Variants in DISC1 observed in about 807,000 individuals in gnomAD.
DISC1 encodes the protein DISC1 scaffold protein, also known as disrupted in schizophrenia 1 protein.
Under a neutral mutation model 84.5 loss-of-function variants are expected in DISC1, and 57 were observed. The observed-to-expected ratio is 0.67, with a 90% CI of 0.55 to 0.84. DISC1 has a LOEUF of 0.84. Among genes scored for constraint, DISC1 ranks in the 40% least tolerant of loss-of-function variants. The pLI, the probability that DISC1 is intolerant of heterozygous loss-of-function variation, is 0.00. For synonymous variants in DISC1, 411 were observed against 415.2 expected, an observed-to-expected ratio of 0.99 and a Z score of 0.12; for missense variants, 1,000 against 1,057.8, an observed-to-expected ratio of 0.95 and a Z score of 0.76.
intron 6 of DISC1, among the ~76,000 whole-genome samples, chr1:231,773,576 G>A (rs2076721657): frequency 6.6e-6 from 1 of 152,084 alleles, no homozygotes; most frequent in African/African-American, 2.4e-5. Context: ...AGTAGAGACA[G>A]GGTTTCACCA....
rs973486462 is a variant in DISC1 at position 232,036,979 on chromosome 1, T to G, written c.*148T>G. The G allele has an allele frequency of 3.6e-6, 3 of 842,090 alleles. No homozygotes were observed. Among genetic ancestry groups the G allele is most frequent in the Non-Finnish European group, 5.0e-6 (3 of 596,218 alleles). 52.2% of individuals were successfully genotyped at this position (842,090 alleles called of 1,614,324 possible). A position where few individuals can be genotyped will look rare whatever the true frequency, so the allele number is the denominator to read the frequency against. On this transcript the variant is annotated 3_prime_UTR_variant, in exon 13 of 13. Coordinates refer to ENST00000439617, the MANE Select transcript of DISC1 (RefSeq NM_018662.3). ...TCAGTGGAAAGGTGGTTCATGTTCA[T>G]TCTCATCAGTGTGAAACTGAGGAGT...
chr1:231,930,010 C>T (rs1312867189), intron 9 of DISC1, among the ~76,000 whole-genome samples: 1 of 152,108 alleles, frequency 6.6e-6, no homozygotes, highest in African/African-American at 2.4e-5. Flanking sequence ...ACCCTGTTAG[C>T]CCTGGACATC....
chr1:231,705,507 G>A (rs1248056889), intron 3 of DISC1, among the ~76,000 whole-genome samples: 3 of 151,932 alleles, frequency 2.0e-5, no homozygotes, highest in African/African-American at 7.3e-5. Flanking sequence ...AAAGGGCACT[G>A]TTACCATGAG....
chr1:231,879,423 C>G (rs2086130886), intron 9 of DISC1, among the ~76,000 whole-genome samples: 1 of 151,926 alleles, frequency 6.6e-6, no homozygotes, highest in African/African-American at 2.4e-5. Flanking sequence ...CTCCCACCAG[C>G]AATGCATGAG....
chr1:231,906,005 C>T (rs1294626878), intron 9 of DISC1, among the ~76,000 whole-genome samples: 1 of 146,008 alleles, frequency 6.8e-6, no homozygotes, highest in Non-Finnish European at 1.5e-5. Flanking sequence ...AAAATGAATT[C>T]GCTGAGGTCA....
intron 3 of DISC1, among the ~76,000 whole-genome samples, chr1:231,726,518 T>C: frequency 6.6e-6 from 1 of 152,150 alleles, no homozygotes; most frequent in East Asian, 1.9e-4. Flanking sequence ...GGAAATTCAG[T>C]CTATCTCCCT....
chr1:232,017,458 T>C (rs1190711638), intron 11 of DISC1, among the ~76,000 whole-genome samples: 1 of 150,870 alleles, frequency 6.6e-6, no homozygotes, highest in Non-Finnish European at 1.5e-5. Flanking sequence ...GTTGGCTTGA[T>C]GGCCATAAGG....
chr1:231,937,559 A>G (rs571551217), intron 9 of DISC1, among the ~76,000 whole-genome samples: 1 of 152,294 alleles, frequency 6.6e-6, no homozygotes, highest in African/African-American at 2.4e-5. Context: ...CATCTATTTG[A>G]CTGACAAGGT....
chr1:231,866,616 A>G, intron 9 of DISC1: 2 of 1,561,350 alleles, frequency 1.3e-6, no homozygotes, highest in Admixed American at 1.7e-5. Flanking sequence ...ATTTGAACCC[A>G]GAGAGTCTGA....
rs1167663089 is a variant in DISC1 at position 232,004,986 on chromosome 1, T to TACTTC, written c.2043-3799_2043-3798insACTTC. ...CTTCCTTCTTCCCTTCCTTCCATCC[T>TACTTC]TCTTCTCTTCTTTCCTTCCTTCCTT... On this transcript the variant is annotated intron_variant, in intron 10 of 12. Transcript: ENST00000439617. Among the ~76,000 whole-genome samples, 286 of 110,680 alleles carry TACTTC rather than the reference T, an allele frequency of 2.6e-3. 11 individuals carry two copies. Among genetic ancestry groups the TACTTC allele is most frequent in the African/African-American group, 0.01 (258 of 25,738 alleles). 72.6% of individuals were successfully genotyped at this position (110,680 alleles called of 152,430 possible).
At chr1:231,929,483 G>T (rs962831822) in intron 9 of DISC1, among the ~76,000 whole-genome samples, 1 of 152,196 alleles carries the variant, frequency 6.6e-6, no homozygotes, top group Non-Finnish European at 1.5e-5. Flanking sequence ...TTAGTCTGCC[G>T]CTGTGCTGTT....
intron 9 of DISC1, among the ~76,000 whole-genome samples, chr1:231,948,861 ATTTTTT>A (rs58931988): frequency 4.2e-5 from 4 of 94,468 alleles, no homozygotes; most frequent in African/African-American, 1.7e-4. Context: ...TCCTGTGTTA[ATTTTTT>A]TTTTTTTTTT....
At chr1:231,858,071 T>C (rs1264544703) in intron 9 of DISC1, among the ~76,000 whole-genome samples, 8 of 152,198 alleles carry the variant, frequency 5.3e-5, no homozygotes, top group African/African-American at 1.9e-4. Flanking sequence ...TGGAGAAGCA[T>C]CCAAGCAAAC....
At chr1:231,848,605 T>A (rs2083630381) in intron 9 of DISC1, among the ~76,000 whole-genome samples, 1 of 152,200 alleles carries the variant, frequency 6.6e-6, no homozygotes, top group Non-Finnish European at 1.5e-5. Flanking sequence ...TCCAGGATGG[T>A]CTATCTACTT....
chr1:231,785,865 G>A (rs1046665687), intron 6 of DISC1, among the ~76,000 whole-genome samples: 1 of 152,204 alleles, frequency 6.6e-6, no homozygotes, highest in African/African-American at 2.4e-5. Context: ...AGGAAGATGA[G>A]CGGACAACTG....
chr1:231,990,792 CAG>C (rs1665101044), intron 10 of DISC1, among the ~76,000 whole-genome samples: 1 of 152,242 alleles, frequency 6.6e-6, no homozygotes, highest in Non-Finnish European at 1.5e-5. Context: ...ACATCAGAAA[CAG>C]AGGCTGACCA....
rs187637859 is a variant in DISC1 at position 231,696,004 on chromosome 1, T to C, written c.1047+1199T>C. Among the ~76,000 whole-genome samples the C allele has an allele frequency of 6.8e-3, 1,032 of 152,288 alleles. 21 individuals are homozygous for C. The highest frequency in any genetic ancestry group is 0.044 in the Admixed American group (679 of 15,300). On this transcript the variant is annotated intron_variant, in intron 2 of 12. Coordinates refer to ENST00000439617, the MANE Select transcript of DISC1 (RefSeq NM_018662.3). ...ATGTGTGGAGTCTTCCAGTTAGTCA[T>C]TGCCTAAACCAGTGCCCCTTGTCTT...
chr1:231,799,889 T>TTCCCTCC (rs1267053923), intron 7 of DISC1, among the ~76,000 whole-genome samples: 1 of 190 alleles, frequency 5.3e-3, no homozygotes, highest in Non-Finnish European at 8.3e-3. Flanking sequence ...CCTTCCCTCC[T>TTCCCTCC]TCCCTTCCTC....
intron 8 of DISC1, among the ~76,000 whole-genome samples, chr1:231,814,180 G>A (rs1377611509): frequency 6.6e-6 from 1 of 152,146 alleles, no homozygotes; most frequent in Admixed American, 6.5e-5. Context: ...CATAATTTAT[G>A]TTTAAAAGGA....
Sources: allele counts gnomAD v4.1 joint callset (sites outside exome capture counted in the v4.1 genomes callset), GRCh38; gene constraint gnomAD v4.1.1; transcripts MANE v1.5; gene names NCBI Gene and HGNC (gene_info 2026-07-23, HGNC 2026-07-21).